CAPN3: variants seen among roughly 807,000 people sequenced by gnomAD.
CAPN3 encodes the protein calpain 3.
In CAPN3, 88 loss-of-function variants were observed where a neutral mutation model predicts 114.0. That is an observed-to-expected ratio of 0.77 (90% CI 0.65 to 0.92). The LOEUF (loss-of-function observed/expected upper bound fraction) is 0.92. CAPN3 is among the 40% of genes least tolerant of loss of function. CAPN3 has a pLI of 0.00. For missense variants in CAPN3, 1,028 were observed against 1,069.0 expected (o/e 0.96, Z 0.53); for synonymous variants, 386 against 382.9 (o/e 1.01, Z -0.09).
intron 1 of CAPN3, among the ~76,000 whole-genome samples, chr15:42,361,095 G>A (rs886506008): frequency 3.3e-5 from 5 of 152,136 alleles, no homozygotes; most frequent in Non-Finnish European, 5.9e-5. Context: ...AGCTAACCTG[G>A]TCCAGGGAGA....
chr15:42,400,473 A>C (rs1297354059), intron 10 of CAPN3, among the ~76,000 whole-genome samples: 1 of 152,110 alleles, frequency 6.6e-6, no homozygotes, highest in Admixed American at 6.5e-5. Flanking sequence ...GCTCATGCCT[A>C]TAATCCCAGC....
chr15:42,394,904 G>A (rs2053649143), intron 8 of CAPN3, among the ~76,000 whole-genome samples: 1 of 152,168 alleles, frequency 6.6e-6, no homozygotes, highest in Non-Finnish European at 1.5e-5. Flanking sequence ...GAAGGCTCCA[G>A]CACATTTGCA....
intron 1 of CAPN3, among the ~76,000 whole-genome samples, chr15:42,361,539 CTCT>C (rs1008179252): frequency 7.9e-5 from 12 of 152,038 alleles, no homozygotes; most frequent in African/African-American, 2.9e-4. Context: ...TCCATAGGGG[CTCT>C]TCTTGGTTCT....
intron 1 of CAPN3, among the ~76,000 whole-genome samples, chr15:42,374,731 A>T (rs891229772): frequency 6.7e-6 from 1 of 148,676 alleles, no homozygotes; most frequent in Admixed American, 6.7e-5. Context: ...ATAATACTTT[A>T]TGGGTCCCTG....
chr15:42,381,216 A>C (rs1255767459), intron 1 of CAPN3, among the ~76,000 whole-genome samples: 1 of 151,930 alleles, frequency 6.6e-6, no homozygotes, highest in African/African-American at 2.4e-5. Flanking sequence ...TTTCCTCTCC[A>C]GTGCTCTTCC....
chr15:42,376,654 C>G (rs370345600), intron 1 of CAPN3, among the ~76,000 whole-genome samples: 1 of 151,884 alleles, frequency 6.6e-6, no homozygotes, highest in East Asian at 1.9e-4. Flanking sequence ...CCAAGGAGCA[C>G]TGGTTTCTTT....
chr15:42,394,647 C>T (rs1349256151), intron 8 of CAPN3, among the ~76,000 whole-genome samples: 1 of 152,146 alleles, frequency 6.6e-6, no homozygotes, highest in Non-Finnish European at 1.5e-5. Flanking sequence ...AGAGAAGTGA[C>T]TTCCCTTCTT....
rs747399155 is a variant in CAPN3 at position 42,390,019 on chromosome 15, A to T, written c.868A>T (p.Met290Leu). The T allele has an allele frequency of 1.2e-5, 20 of 1,613,956 alleles. No individual in the cohort carries two copies. In the African/African-American group the frequency reaches 2.1e-4, roughly 17 times the overall value. Residue 290 changes from methionine to leucine, a missense_variant, in exon 6 of 24, where the codon ATG (methionine) becomes TTG (leucine). Met to Leu is a conservative substitution (Grantham distance 15). Transcript: ENST00000397163. ...GAACATGGGGGAGTTGATTGCACGG[A>T]TGGTAAGGAATATGGATAACTCACT... ...GLNMGELIARMVRNMDNSLLQ... is the reference protein window; with the variant it reads ...GLNMGELIARLVRNMDNSLLQ...
intron 6 of CAPN3, among the ~76,000 whole-genome samples, chr15:42,391,507 C>G (rs551771943): frequency 4.6e-5 from 7 of 152,242 alleles, no homozygotes; most frequent in Admixed American, 4.6e-4. Flanking sequence ...CTGGGAGAGG[C>G]TGAGATACCA....
At chr15:42,383,147 G>A (rs1010683101) in intron 1 of CAPN3, among the ~76,000 whole-genome samples, 2 of 152,190 alleles carry the variant, frequency 1.3e-5, no homozygotes, top group East Asian at 3.9e-4. Flanking sequence ...TCTACTAGGA[G>A]TATACACCCC....
intron 16 of CAPN3, chr15:42,408,766 T>G: frequency 3.0e-6 from 1 of 331,274 alleles, no homozygotes; most frequent in South Asian, 2.6e-5. Flanking sequence ...GAGTGGGAGC[T>G]TAGTGGAGGT....
intron 15 of CAPN3, among the ~76,000 whole-genome samples, chr15:42,406,920 C>G (rs1187703542): frequency 1.3e-5 from 2 of 152,160 alleles, no homozygotes; most frequent in African/African-American, 4.8e-5. Flanking sequence ...GGAGCCAAAG[C>G]TGGGGAGCCG....
chr15:42,398,913 T>C (rs1197472048), intron 9 of CAPN3, among the ~76,000 whole-genome samples: 3 of 150,444 alleles, frequency 2.0e-5, no homozygotes, highest in African/African-American at 2.4e-5. Flanking sequence ...GCCTCCCAAG[T>C]AACTAGGATT....
chr15:42,411,456 G>A (rs2054230432), intron 23 of CAPN3, 111 bp downstream of exon 23: 1 of 1,013,344 alleles, frequency 9.9e-7, no homozygotes, highest in Non-Finnish European at 1.6e-6. Context: ...AGTGGTGGAG[G>A]GAAGGGATAG....
chr15:42,359,591 CAGG>C lies in CAPN3; in HGVS notation c.-212_-210del, dbSNP rs1454215719. The C allele has an allele frequency of 2.8e-6, 4 of 1,417,520 alleles. No homozygotes were observed. In the African/African-American group the frequency reaches 5.8e-5, roughly 20 times the overall value. The allele number at this position is 1,417,520 out of a possible 1,614,324, so 87.8% of individuals were successfully genotyped here. A position where few individuals can be genotyped will look rare whatever the true frequency, so the allele number is the denominator to read the frequency against. ...CAGAAATCCTTTAGCACTCATTTCT[CAGG>C]AGAACTTATGGCTTCAGAATCACAG... is the stretch of plus-strand genomic sequence containing the variant. On this transcript the variant is annotated 5_prime_UTR_variant, in exon 1 of 24. Coordinates refer to ENST00000397163, the MANE Select transcript of CAPN3 (RefSeq NM_000070.3).
chr15:42,384,429 C>T, intron 1 of CAPN3, 54 bp from the exon 2 acceptor site: 2 of 1,261,836 alleles, frequency 1.6e-6, no homozygotes, highest in Non-Finnish European at 2.3e-6. Flanking sequence ...ACCTATCTAT[C>T]TATCTGTCTA....
chr15:42,371,381 A>G (rs774158453), intron 1 of CAPN3, among the ~76,000 whole-genome samples: 6 of 152,190 alleles, frequency 3.9e-5, no homozygotes, highest in East Asian at 1.9e-4. Flanking sequence ...AATGCTGACA[A>G]TGAGAGGGGC....
chr15:42,369,642 C>T (rs185633549), intron 1 of CAPN3, among the ~76,000 whole-genome samples: 3 of 152,272 alleles, frequency 2.0e-5, no homozygotes, highest in East Asian at 1.9e-4. Context: ...TATCATTTCA[C>T]GTTGCTCCAT....
chr15:42,411,834 T>C lies in CAPN3; in HGVS notation c.*61T>C, dbSNP rs556165846. The C allele has an allele frequency of 2.5e-6, 4 of 1,613,744 alleles. No homozygotes were observed. The highest frequency in any genetic ancestry group is 1.1e-5 in the South Asian group (1 of 91,018). ...CTCAGGATTTCAGTTTCACCCTCTATTTCCAAAGCCATTTACCTCAAAGGA... is the reference window on the plus strand; with the variant it reads ...CTCAGGATTTCAGTTTCACCCTCTACTTCCAAAGCCATTTACCTCAAAGGA... On this transcript the variant is annotated 3_prime_UTR_variant, in exon 24 of 24. Coordinates refer to ENST00000397163, the MANE Select transcript of CAPN3 (RefSeq NM_000070.3).
Sources: allele counts gnomAD v4.1 joint callset (sites outside exome capture counted in the v4.1 genomes callset), GRCh38; gene constraint gnomAD v4.1.1; transcripts MANE v1.5; gene names NCBI Gene and HGNC (gene_info 2026-07-23, HGNC 2026-07-21).